The following SRSF5 variants were observed in gnomAD, a reference collection of about 807,000 sequenced individuals.
The protein encoded by SRSF5 is serine and arginine rich splicing factor 5.
In SRSF5, 5 loss-of-function variants were observed where a neutral mutation model predicts 34.0. The observed-to-expected ratio is 0.15, with a 90% CI of 0.08 to 0.31. SRSF5 has a LOEUF of 0.31. Among genes scored for constraint, SRSF5 ranks in the 10% least tolerant of loss-of-function variants. The pLI is 1.00. For missense variants in SRSF5, 223 were observed against 351.4 expected (o/e 0.63, Z 2.92); for synonymous variants, 164 against 117.7 (o/e 1.39, Z -2.55).
chr14:69,769,053 A>G, intron 4 of SRSF5, 129 bp from the exon 5 acceptor site: 3 of 1,322,116 alleles, frequency 2.3e-6, no homozygotes, highest in Non-Finnish European at 3.2e-6. Flanking sequence ...TATGAGTCAT[A>G]GAACACAAAT....
In SRSF5 at chr14:69,770,207, G is replaced by A. The variant is rs183702684; in HGVS notation, c.367-260G>A. The stretch of plus-strand genomic sequence containing the variant: ...TTTGTTTTTTTTTCTTTTGTACTGA[G>A]CTCAGCATAGACTAATACTACCTTA... On this transcript the variant is annotated intron_variant, in intron 5 of 7. Coordinates refer to ENST00000557154, the MANE Select transcript of SRSF5 (RefSeq NM_001320214.2). 2.0e-5 allele frequency: 24 copies of A among 1,202,110 alleles called. 1 individual carries two copies. In the Admixed American group the frequency reaches 1.0e-3, roughly 50 times the overall value. The allele number at this position is 1,202,110 out of a possible 1,614,324, so 74.5% of individuals were successfully genotyped here. A position where few individuals can be genotyped will look rare whatever the true frequency, so the allele number is the denominator to read the frequency against.
Position 69,767,263 on chromosome 14 carries a change from G to T in SRSF5, c.-20+8G>T, listed in dbSNP as rs1882557816. On this transcript the variant is annotated splice_region_variant and intron_variant, in intron 1 of 7. Coordinates refer to ENST00000557154, the MANE Select transcript of SRSF5 (RefSeq NM_001320214.2). ...AAAGACCCCGTCCGGTAGGTGAGTGGCTCACTTTGAGGGCAAGCCTTCTCG... is the reference window on the plus strand; with the variant it reads ...AAAGACCCCGTCCGGTAGGTGAGTGTCTCACTTTGAGGGCAAGCCTTCTCG... The T allele has an allele frequency of 7.7e-6, 3 of 391,118 alleles. No individual in the cohort carries two copies. Among genetic ancestry groups the T allele is most frequent in the South Asian group, 5.6e-5 (3 of 53,936 alleles). 24.2% of individuals were successfully genotyped at this position (391,118 alleles called of 1,614,324 possible).
At chr14:69,768,422 A>G (rs897408365) in intron 2 of SRSF5, 140 bp downstream of exon 2, 159 of 1,372,200 alleles carry the variant, frequency 1.2e-4, no homozygotes, top group Non-Finnish European at 1.3e-4. Context: ...ATTGAGGCTG[A>G]AAACAACTTT....
chr14:69,768,484 G>T, intron 2 of SRSF5, 120 bp from the exon 3 acceptor site: 1 of 1,232,056 alleles, frequency 8.1e-7, no homozygotes, highest in Non-Finnish European at 1.2e-6. Flanking sequence ...GATTAGGTTT[G>T]ACTGTATGGC....
At position 69,768,915 on chromosome 14, in the gene SRSF5, G is replaced by A. The variant is rs780725892; in HGVS notation, c.296+19G>A. ...ATAGACGGTATGTGAAGGGTGGATGGCTGCATTGAACAATTATTGTAGGGG... is the reference window on the plus strand; with the variant it reads ...ATAGACGGTATGTGAAGGGTGGATGACTGCATTGAACAATTATTGTAGGGG... On this transcript the variant is annotated intron_variant, in intron 4 of 7. Transcript: ENST00000557154. The A allele has an allele frequency of 3.1e-6, 5 of 1,607,774 alleles. No homozygotes were observed. The highest frequency in any genetic ancestry group is 4.3e-6 in the Non-Finnish European group (5 of 1,174,182).
intron 1 of SRSF5, 200 bp from the exon 2 acceptor site, chr14:69,767,938 C>T: frequency 1.8e-6 from 1 of 542,426 alleles, no homozygotes; most frequent in South Asian, 2.0e-5. Flanking sequence ...CGGTCTGGGC[C>T]CAGTAGCGGA....
chr14:69,769,167 A>G lies in SRSF5; in HGVS notation c.297-15A>G. The G allele has an allele frequency of 6.2e-7, 1 of 1,614,130 alleles. No homozygotes were observed. Among genetic ancestry groups the G allele is most frequent in the Non-Finnish European group, 8.5e-7 (1 of 1,179,976 alleles). On this transcript the variant is annotated splice_polypyrimidine_tract_variant and intron_variant, in intron 4 of 7. Transcript: ENST00000557154. ...TTGCATTTCTTCCATTGTGAATACG[A>G]ATTTTCTTCCTCAGAAATGCTCCAC...
intron 1 of SRSF5, 73 bp from the exon 2 acceptor site, chr14:69,768,065 T>G: frequency 6.5e-7 from 1 of 1,535,300 alleles, no homozygotes; most frequent in Admixed American, 1.8e-5. Context: ...GCCGTTGATG[T>G]TTTTGATTGT....
intron 5 of SRSF5, 32 bp from the exon 6 acceptor site, chr14:69,770,432 CTCT>C (rs762206239): frequency 1.9e-6 from 3 of 1,603,218 alleles, no homozygotes; most frequent in Admixed American, 1.7e-5. Flanking sequence ...GTCCCCTTTC[CTCT>C]TCTTTGCTTA....
chr14:69,768,318 T>G, intron 2 of SRSF5, 36 bp downstream of exon 2: 5 of 1,611,032 alleles, frequency 3.1e-6, no homozygotes, highest in Non-Finnish European at 4.2e-6. Context: ...ATCTGCTAAG[T>G]AGGTAGAGTT....
At chr14:69,770,594 GA>G in intron 6 of SRSF5, 54 bp downstream of exon 6, 1 of 1,521,164 alleles carries the variant, frequency 6.6e-7, no homozygotes, top group South Asian at 1.2e-5. Context: ...ATTTTACTGT[GA>G]ACTTAGTTTT....
chr14:69,769,130 C>G, intron 4 of SRSF5, 52 bp from the exon 5 acceptor site: 3 of 1,601,588 alleles, frequency 1.9e-6, no homozygotes, highest in Non-Finnish European at 2.6e-6. Flanking sequence ...CAGTTGAACA[C>G]AAGTGCTGTC....
Position 69,767,264 on chromosome 14 carries a change from C to T in SRSF5, c.-20+9C>T. 1 of 391,878 alleles carries T rather than the reference C, an allele frequency of 2.6e-6. No homozygotes were observed. Among genetic ancestry groups the T allele is most frequent in the Non-Finnish European group, 4.9e-6 (1 of 203,062 alleles). The allele number at this position is 391,878 out of a possible 1,614,324, so 24.3% of individuals were successfully genotyped here. ...AAGACCCCGTCCGGTAGGTGAGTGG[C>T]TCACTTTGAGGGCAAGCCTTCTCGG... On this transcript the variant is annotated intron_variant, in intron 1 of 7. Transcript: ENST00000557154.
At chr14:69,767,282 C>A in intron 1 of SRSF5, 27 bp downstream of exon 1, 1 of 408,666 alleles carries the variant, frequency 2.4e-6, no homozygotes, top group South Asian at 1.7e-5. Context: ...GAGGGCAAGC[C>A]TTCTCGGATC....
intron 5 of SRSF5, chr14:69,770,035 T>A: frequency 2.0e-6 from 2 of 1,020,296 alleles, no homozygotes; most frequent in Non-Finnish European, 2.3e-6. Flanking sequence ...AGGGAAATAA[T>A]AATAAAGGTA....
At chr14:69,770,786 A>G (rs1883110521) in intron 6 of SRSF5, 3 of 641,260 alleles carry the variant, frequency 4.7e-6, no homozygotes, top group Non-Finnish European at 5.4e-6. Flanking sequence ...TAAGCATCCC[A>G]CGGTGCATAG....
chr14:69,767,640 G>C (rs1480309366), intron 1 of SRSF5: 1 of 425,906 alleles, frequency 2.3e-6, no homozygotes, highest in Non-Finnish European at 4.7e-6. Flanking sequence ...GAGGGAATTT[G>C]GCACGCGCAG....
chr14:69,771,009 C>T lies in SRSF5; in HGVS notation c.455C>T (p.Ala152Val). The T allele has an allele frequency of 6.2e-7, 1 of 1,612,154 alleles. No individual in the cohort carries two copies. Among genetic ancestry groups the T allele is most frequent in the Non-Finnish European group, 8.5e-7 (1 of 1,179,560 alleles). Residue 152 changes from alanine (A) to valine (V), a missense_variant, in exon 7 of 8, where the codon GCC becomes GTC. Ala to Val is a moderately conservative substitution (Grantham distance 64, BLOSUM62 0). Transcript: ENST00000557154. ...TTCCATTTTAGGGTGGTTGAGTTTG[C>T]CTCTTATGGTGACTTAAAGAATGCT... ...PKLNEGVVEF[A>V]SYGDLKNAIE...
intron 1 of SRSF5, chr14:69,767,534 C>G (rs1189844880): frequency 2.2e-6 from 1 of 455,862 alleles, no homozygotes; most frequent in Non-Finnish European, 4.4e-6. Context: ...GAATAGTGGG[C>G]CGGGATCTCC....
Sources: gnomAD v4.1 joint callset for allele counts on GRCh38, gnomAD v4.1.1 for gene constraint, MANE v1.5 for transcripts, NCBI Gene and HGNC (gene_info 2026-07-23, HGNC 2026-07-21) for gene names.